Variants in MYH4 observed in about 807,000 individuals in gnomAD.
MYH4 encodes the protein myosin-4.
A neutral mutation model predicts 229.9 loss-of-function variants in MYH4; 200 were observed. The ratio of observed to expected loss-of-function variants is 0.87; its 90% confidence interval spans 0.78 to 0.98. The LOEUF (loss-of-function observed/expected upper bound fraction) is 0.98, where lower values mean the gene tolerates loss of function less well. Ranked by LOEUF, MYH4 falls within the 50% of genes least tolerant of loss-of-function variation. The pLI, the probability that MYH4 is intolerant of heterozygous loss-of-function variation, is 0.00. For synonymous variants in MYH4, 761 were observed against 834.6 expected (o/e 0.91, Z 1.52); for missense variants, 2,148 against 2,332.6 (o/e 0.92, Z 1.63).
chr17:10,466,244 G>A (rs1471512838), intron 4 of MYH4, 29 bp downstream of exon 4: 1 of 1,610,540 alleles, frequency 6.2e-7, no homozygotes, highest in African/African-American at 1.3e-5. Context: ...TGTGGAGTGA[G>A]TGAGAAATAG....
At chr17:10,467,026 G>A (rs1350705998) in intron 2 of MYH4, among the ~76,000 whole-genome samples, 1 of 152,192 alleles carries the variant, frequency 6.6e-6, no homozygotes, top group Non-Finnish European at 1.5e-5. Flanking sequence ...GTAAACCTTA[G>A]TTGAGAAATG....
intron 2 of MYH4, among the ~76,000 whole-genome samples, chr17:10,468,423 A>G (rs2072789486): frequency 6.6e-6 from 1 of 152,228 alleles, no homozygotes; most frequent in African/African-American, 2.4e-5. Flanking sequence ...AGTTTAAGGA[A>G]GGAACATTTC....
intron 15 of MYH4, 96 bp downstream of exon 15, chr17:10,459,155 G>A (rs550115466): frequency 1.3e-6 from 2 of 1,584,744 alleles, no homozygotes; most frequent in Admixed American, 3.4e-5. Context: ...TCAGGAAACA[G>A]CACTGCTTGT....
intron 2 of MYH4, among the ~76,000 whole-genome samples, chr17:10,467,718 TA>T (rs2072782743): frequency 1.3e-5 from 2 of 152,232 alleles, no homozygotes; most frequent in Admixed American, 1.3e-4. Context: ...ACCAGTCTTC[TA>T]AATATTTTTC....
In MYH4 at chr17:10,443,592, G is replaced by A. The variant is rs1444678385; in HGVS notation, c.5668-65C>T. 2 of 1,526,422 alleles carry A rather than the reference G, an allele frequency of 1.3e-6. No homozygotes were observed. Among genetic ancestry groups the A allele is most frequent in the East Asian group, 2.3e-5 (1 of 44,086 alleles). The allele number at this position is 1,526,422 out of a possible 1,614,324, so 94.6% of individuals were successfully genotyped here. A position where few individuals can be genotyped will look rare whatever the true frequency, so the allele number is the denominator to read the frequency against. Reference sequence around the variant, plus strand: ...ACATTTCCTGATTGTTATTGCTTTTGTTACTTCAGGATTTGCCTCATGAAT... The same window carrying A: ...ACATTTCCTGATTGTTATTGCTTTTATTACTTCAGGATTTGCCTCATGAAT... On this transcript the variant is annotated intron_variant, in intron 39 of 39. Coordinates refer to ENST00000255381, the MANE Select transcript of MYH4 (RefSeq NM_017533.2). The surrounding 1 kb of genome is among the most constrained non-coding windows in gnomAD (Gnocchi z 4.6).
intron 11 of MYH4, 64 bp downstream of exon 11, chr17:10,462,801 T>C: frequency 1.5e-6 from 2 of 1,320,926 alleles, no homozygotes; most frequent in Non-Finnish European, 2.1e-6. Context: ...TCCACCCTAA[T>C]AGAGGAGAGT....
chr17:10,451,568 A>G (rs1192238120), intron 27 of MYH4, 116 bp from the exon 28 acceptor site: 10 of 1,160,630 alleles, frequency 8.6e-6, no homozygotes, highest in Middle Eastern at 2.8e-4. Context: ...TTTTCTATCA[A>G]TCTTGCATGG....
rs746150609 is a variant in MYH4 at position 10,466,323 on chromosome 17, G to T, written c.298C>A (p.Pro100Thr). The T allele has an allele frequency of 1.1e-5, 17 of 1,614,166 alleles. No individual in the cohort carries two copies. Among genetic ancestry groups the T allele is most frequent in the Non-Finnish European group, 1.4e-5 (16 of 1,180,042 alleles). Residue 100 changes from proline (P) to threonine (T), a missense_variant, in exon 4 of 40, where the codon CCT (proline) becomes ACT (threonine). Pro to Thr is a conservative substitution (Grantham distance 38). Coordinates refer to ENST00000255381, the MANE Select transcript of MYH4 (RefSeq NM_017533.2). ...DMAMMTHLHEPAVLYNLKERY... is the reference protein window; with the variant it reads ...DMAMMTHLHETAVLYNLKERY... Reference sequence around the variant, plus strand: ...TCTTTGAGGTTATACAGCACAGCAGGCTCATGCAGGTGAGTCATCATGGCC... The same window carrying T: ...TCTTTGAGGTTATACAGCACAGCAGTCTCATGCAGGTGAGTCATCATGGCC...
chr17:10,453,564 T>C, intron 23 of MYH4, 79 bp downstream of exon 23: 1 of 1,602,022 alleles, frequency 6.2e-7, no homozygotes, highest in South Asian at 1.1e-5. Context: ...TATTCAATCA[T>C]CTTAAGATTA....
At chr17:10,457,815 G>A (rs1245955221) in intron 15 of MYH4, 86 bp from the exon 16 acceptor site, 4 of 1,472,232 alleles carry the variant, frequency 2.7e-6, no homozygotes, top group Non-Finnish European at 3.6e-6. Flanking sequence ...AAAATACAAT[G>A]TTTCAAAAGA....
intron 12 of MYH4, among the ~76,000 whole-genome samples, chr17:10,460,532 A>G (rs977627109): frequency 6.6e-6 from 1 of 152,188 alleles, no homozygotes; most frequent in African/African-American, 2.4e-5. Context: ...GAGGTTGGGG[A>G]ATCGATGCTG....
At position 10,455,846 on chromosome 17, in the gene MYH4, C is replaced by T. The variant is rs760025701; in HGVS notation, c.2024G>A (p.Arg675Gln). 2.4e-5 allele frequency: 39 copies of T among 1,613,996 alleles called. No individual in the cohort carries two copies. The highest frequency in any genetic ancestry group is 8.3e-5 in the Admixed American group (5 of 59,994). The change falls in exon 18 of 40, where the codon CGG (arginine) becomes CAG (glutamine). Residue 675 changes from arginine to glutamine, a missense_variant. Transcript: ENST00000255381. ...NLRSTHPHFV[R>Q]CIIPNETKTP... ...TTTAGTTTCATTGGGGATGATGCAC[C>T]GCACAAAGTGGGGGTGAGTGCTCCT...
Position 10,450,552 on chromosome 17 carries a change from A to T in MYH4, c.4082T>A (p.Leu1361Gln). ...YEEEQEAKAE[L>Q]QRGMSKANSE... Reference sequence around the variant, plus strand: ...GTTGGCCTTGGACATTCCCCTCTGCAGCTCAGCCTTGGCTTCCTGCTCCTC... The same window carrying T: ...GTTGGCCTTGGACATTCCCCTCTGCTGCTCAGCCTTGGCTTCCTGCTCCTC... Residue 1361 changes from leucine (L) to glutamine (Q), a missense_variant, in exon 30 of 40, where the codon CTG (leucine) becomes CAG (glutamine). Coordinates refer to ENST00000255381, the MANE Select transcript of MYH4 (RefSeq NM_017533.2). 6.2e-7 allele frequency: 1 copy of T among 1,614,144 alleles called. No individual in the cohort carries two copies.
chr17:10,456,037 C>T (rs1305271975), intron 17 of MYH4, 136 bp from the exon 18 acceptor site: 1 of 1,098,016 alleles, frequency 9.1e-7, no homozygotes, highest in African/African-American at 1.6e-5. Flanking sequence ...AGAGAGGAAT[C>T]ATATAAGTGG....
chr17:10,454,982 C>A lies in MYH4; in HGVS notation c.2394G>T (p.Gly798=). Reference sequence around the variant, plus strand: ...TTCTGAACTCCACTCTCATCAGGAACCCTCTGCATATGGCTTGAGTGCGCG... The same window carrying A: ...TTCTGAACTCCACTCTCATCAGGAAACCTCTGCATATGGCTTGAGTGCGCG... ...LITRTQAICR[G]FLMRVEFRKM... is the part of the protein sequence containing the mutation. The change falls in exon 21 of 40, where the codon GGG becomes GGT. Residue 798 remains glycine, a synonymous_variant. Transcript: ENST00000255381. 1 of 1,614,214 alleles carries A rather than the reference C, an allele frequency of 6.2e-7. No individual in the cohort carries two copies. Among genetic ancestry groups the A allele is most frequent in the Non-Finnish European group, 8.5e-7 (1 of 1,180,044 alleles).
intron 2 of MYH4, among the ~76,000 whole-genome samples, chr17:10,467,834 T>C (rs2142235609): frequency 6.6e-6 from 1 of 152,342 alleles, no homozygotes; most frequent in Non-Finnish European, 1.5e-5. Flanking sequence ...GCTGTCCTGA[T>C]GGCAAGGACA....
intron 19 of MYH4, 101 bp from the exon 20 acceptor site, chr17:10,455,396 G>T: frequency 7.2e-7 from 1 of 1,395,278 alleles, no homozygotes; most frequent in Non-Finnish European, 9.7e-7. Context: ...ATTAAGTTTT[G>T]GTGAACAAAA....
At position 10,448,900 on chromosome 17, in the gene MYH4, G is replaced by T. The variant is rs1276570228; in HGVS notation, c.4329C>A (p.Cys1443Ter). ...TTCTTTGCTTCTTATCGAGAGCTAT[G>T]CAGGCAGCATTAGATCGTTCCACAT... ...MIDVERSNAA[C>*]IALDKKQRNF... The change falls in exon 31 of 40, where the codon TGC becomes TGA. Residue 1443 changes from cysteine (C) to a stop codon, truncating the protein, a stop_gained. Transcript: ENST00000255381. LOFTEE classifies it high-confidence loss of function. 53 of 1,614,038 alleles carry T rather than the reference G, an allele frequency of 3.3e-5. 1 individual carries two copies. The highest frequency in any genetic ancestry group is 4.4e-5 in the Non-Finnish European group (52 of 1,180,016).
Position 10,448,756 on chromosome 17 carries a change from C to T in MYH4, c.4393G>A (p.Glu1465Lys). ...KVLAEWKQKY[E>K]ETQAELEASQ... ...GCCTCAAGTTCAGCCTGAGTTTCCTCATACTTCTGTTTCCATTCTGCCAGA... is the reference window on the plus strand; with the variant it reads ...GCCTCAAGTTCAGCCTGAGTTTCCTTATACTTCTGTTTCCATTCTGCCAGA... The change falls in exon 32 of 40, where the codon GAG becomes AAG. Residue 1465 changes from glutamate (E) to lysine (K), a missense_variant. Physicochemically the swap from Glu to Lys is moderately conservative, Grantham distance 56. Coordinates refer to ENST00000255381, the MANE Select transcript of MYH4 (RefSeq NM_017533.2). 6.2e-7 allele frequency: 1 copy of T among 1,614,062 alleles called. No individual in the cohort carries two copies. The highest frequency in any genetic ancestry group is 8.5e-7 in the Non-Finnish European group (1 of 1,180,004).
Sources: allele counts gnomAD v4.1 joint callset (sites outside exome capture counted in the v4.1 genomes callset), GRCh38; gene constraint gnomAD v4.1.1; non-coding constraint Gnocchi (gnomAD v3.1); transcripts MANE v1.5; gene names NCBI Gene and HGNC (gene_info 2026-07-23, HGNC 2026-07-21).